FANCL: variants seen among roughly 807,000 people sequenced by gnomAD.
FANCL encodes the protein E3 ubiquitin-protein ligase FANCL.
In FANCL, 69 loss-of-function variants were observed where a neutral mutation model predicts 59.4. The ratio of observed to expected loss-of-function variants is 1.16; its 90% CI spans 0.96 to 1.42. FANCL has a LOEUF of 1.42. Among genes scored for constraint, FANCL ranks in the 40% most tolerant of loss-of-function variants. The pLI is 0.00. For missense variants in FANCL, 519 were observed against 447.2 expected, an observed-to-expected ratio of 1.16 and a Z score of -1.45; for synonymous variants, 180 against 147.1, an observed-to-expected ratio of 1.22 and a Z score of -1.62.
At chr2:58,239,475 A>G (rs915356531) in intron 1 of FANCL, among the ~76,000 whole-genome samples, 2 of 152,168 alleles carry the variant, frequency 1.3e-5, no homozygotes, top group Admixed American at 1.3e-4. Flanking sequence ...ACACAAACAG[A>G]CTGAGAATTG....
intron 5 of FANCL, among the ~76,000 whole-genome samples, chr2:58,209,927 A>T (rs530188437): frequency 6.6e-6 from 1 of 152,296 alleles, no homozygotes; most frequent in East Asian, 1.9e-4. Flanking sequence ...AAACCTACCA[A>T]TATATGTTGA....
chr2:58,170,295 G>C (rs915622588), intron 7 of FANCL, among the ~76,000 whole-genome samples: 2 of 152,088 alleles, frequency 1.3e-5, no homozygotes, highest in African/African-American at 4.8e-5. Flanking sequence ...TAACCTTCAG[G>C]AGTGAAGGAG....
rs745654892 is a variant in FANCL at position 58,198,645 on chromosome 2, T to A, written c.489A>T (p.Pro163=). ...KLKAKYPAES[P]DYFVDFPVPF... The stretch of plus-strand genomic sequence containing the variant: ...GAACAGGAAAATCCACAAAATAATC[T>A]GGTGATTCTGCAGGATACTATTAAA... Residue 163 remains proline, a synonymous_variant, in exon 7 of 14, where the codon CCA becomes CCT. Transcript: ENST00000233741. 7 of 1,613,778 alleles carry A rather than the reference T, an allele frequency of 4.3e-6. No homozygotes were observed. In the South Asian group the frequency reaches 7.7e-5, roughly 18 times the overall value.
intron 7 of FANCL, among the ~76,000 whole-genome samples, chr2:58,186,123 T>G (rs574154093): frequency 6.6e-6 from 1 of 152,222 alleles, no homozygotes; most frequent in South Asian, 2.1e-4. Flanking sequence ...AGGAAATAAT[T>G]TGAGAGAAGC....
chr2:58,185,787 C>G (rs997715987), intron 7 of FANCL, among the ~76,000 whole-genome samples: 2 of 152,070 alleles, frequency 1.3e-5, no homozygotes, highest in African/African-American at 4.8e-5. Flanking sequence ...GTTAAGGAAT[C>G]AGGAGATAAA....
At chr2:58,175,898 C>G (rs1033290542) in intron 7 of FANCL, among the ~76,000 whole-genome samples, 8 of 151,870 alleles carry the variant, frequency 5.3e-5, no homozygotes, top group African/African-American at 1.9e-4. Context: ...TGTCTCAGCC[C>G]AAAATCTCCT....
At chr2:58,178,158 G>T (rs1322273313) in intron 7 of FANCL, among the ~76,000 whole-genome samples, 1 of 151,992 alleles carries the variant, frequency 6.6e-6, no homozygotes, top group African/African-American at 2.4e-5. Context: ...TTCTACCAGA[G>T]GTACAAAGAA....
At chr2:58,193,565 G>C (rs1314353914) in intron 7 of FANCL, among the ~76,000 whole-genome samples, 1 of 151,984 alleles carries the variant, frequency 6.6e-6, no homozygotes, top group Non-Finnish European at 1.5e-5. Context: ...TGATCCCTTT[G>C]ATGTCTTTTC....
chr2:58,186,297 G>C, intron 7 of FANCL, among the ~76,000 whole-genome samples: 1 of 152,106 alleles, frequency 6.6e-6, no homozygotes, highest in East Asian at 1.9e-4. Flanking sequence ...AAATTTCTGG[G>C]CCATAAGTAT....
chr2:58,241,296 C>G lies in FANCL; in HGVS notation c.18G>C (p.Ala6=), dbSNP rs759021953. MAVTE[A]SLLRQCPLLL... Reference sequence around the variant, plus strand: ...GCAGGGGGCACTGGCGCAACAGGCTCGCTTCCGTCACCGCCATGGCTCGAA... The same window carrying G: ...GCAGGGGGCACTGGCGCAACAGGCTGGCTTCCGTCACCGCCATGGCTCGAA... The change falls in exon 1 of 14, where the codon GCG becomes GCC. Residue 6 remains alanine, a synonymous_variant. Coordinates refer to ENST00000233741, the MANE Select transcript of FANCL (RefSeq NM_018062.4). 13 of 1,614,122 alleles carry G rather than the reference C, an allele frequency of 8.1e-6. No homozygotes were observed. Among genetic ancestry groups the G allele is most frequent in the Non-Finnish European group, 8.5e-6 (10 of 1,180,050 alleles).
chr2:58,201,374 A>G (rs1341013875), intron 6 of FANCL, among the ~76,000 whole-genome samples: 1 of 150,820 alleles, frequency 6.6e-6, no homozygotes, highest in Non-Finnish European at 1.5e-5. Context: ...ATCAATAACT[A>G]AAAAAAAAGA....
chr2:58,172,432 T>C (rs750101616), intron 7 of FANCL, among the ~76,000 whole-genome samples: 3 of 152,128 alleles, frequency 2.0e-5, no homozygotes, highest in African/African-American at 4.8e-5. Flanking sequence ...GACAGCAGCA[T>C]TCGTGGTTCA....
chr2:58,175,008 C>T (rs1303991280), intron 7 of FANCL, among the ~76,000 whole-genome samples: 1 of 152,092 alleles, frequency 6.6e-6, no homozygotes, highest in Non-Finnish European at 1.5e-5. Flanking sequence ...ATAAACACCT[C>T]TATGCAAATA....
At chr2:58,186,952 T>C (rs938578532) in intron 7 of FANCL, among the ~76,000 whole-genome samples, 1 of 152,112 alleles carries the variant, frequency 6.6e-6, no homozygotes, top group Admixed American at 6.6e-5. Flanking sequence ...TAGGAATGCT[T>C]TTACACTGTT....
intron 6 of FANCL, among the ~76,000 whole-genome samples, chr2:58,199,541 C>T (rs868513193): frequency 6.6e-6 from 1 of 151,966 alleles, no homozygotes; most frequent in African/African-American, 2.4e-5. Context: ...CAGTTTTTAG[C>T]AAGAAAAACC....
At position 58,159,574 on chromosome 2, in the gene FANCL, C is replaced by T; in HGVS notation, c.*191G>A. The T allele has an allele frequency of 6.2e-7, 1 of 1,613,854 alleles. No individual in the cohort carries two copies. Among genetic ancestry groups the T allele is most frequent in the Non-Finnish European group, 8.5e-7 (1 of 1,179,816 alleles). ...CACAGACTTAGAAAGTTCAACTGGACTTTGGCCTACAATTTCCCAGTTTAC... is the reference window on the plus strand; with the variant it reads ...CACAGACTTAGAAAGTTCAACTGGATTTTGGCCTACAATTTCCCAGTTTAC... On this transcript the variant is annotated 3_prime_UTR_variant, in exon 14 of 14. Coordinates refer to ENST00000233741, the MANE Select transcript of FANCL (RefSeq NM_018062.4).
intron 7 of FANCL, among the ~76,000 whole-genome samples, chr2:58,188,273 T>G (rs1376699186): frequency 6.6e-6 from 1 of 152,208 alleles, no homozygotes; most frequent in Non-Finnish European, 1.5e-5. Context: ...TCTACCTTTA[T>G]GAAAATACCA....
Position 58,219,932 on chromosome 2 carries a change from T to C in FANCL, c.374+2010A>G, listed in dbSNP as rs187515235. Among the ~76,000 whole-genome samples the C allele has an allele frequency of 6.6e-5, 10 of 152,258 alleles. 1 individual carries two copies. The highest frequency in any genetic ancestry group is 2.0e-4 in the Admixed American group (3 of 15,300). On this transcript the variant is annotated intron_variant, in intron 5 of 13. Transcript: ENST00000233741. ...AGACATCCAAACATAAAATCCCTAC[T>C]GCATATCTTAGGACTATTTCATACA...
chr2:58,220,091 T>A (rs576203224), intron 5 of FANCL, among the ~76,000 whole-genome samples: 2 of 152,304 alleles, frequency 1.3e-5, no homozygotes, highest in Admixed American at 6.5e-5. Flanking sequence ...CTTTAAGCAG[T>A]CCATCTGCAG....
Sources: allele counts gnomAD v4.1 joint callset (sites outside exome capture counted in the v4.1 genomes callset), GRCh38; gene constraint gnomAD v4.1.1; transcripts MANE v1.5; gene names NCBI Gene and HGNC (gene_info 2026-07-23, HGNC 2026-07-21).